The following SERPINB7 variants were observed in gnomAD, a reference collection of about 807,000 sequenced individuals.
SERPINB7 encodes serpin B7.
SERPINB7 carries 31 observed loss-of-function variants against 37.4 expected under a neutral mutation model. The observed-to-expected ratio is 0.83, with a 90% CI of 0.62 to 1.12. The LOEUF is 1.12. Among genes scored for constraint, SERPINB7 ranks in the 50% most tolerant of loss-of-function variants. The pLI is 0.00. For synonymous variants in SERPINB7, 163 were observed against 166.1 expected, an observed-to-expected ratio of 0.98 and a Z score of 0.14; for missense variants, 521 against 455.3, an observed-to-expected ratio of 1.14 and a Z score of -1.31.
chr18:63,757,727 C>T (rs28570602), intron 1 of SERPINB7, among the ~76,000 whole-genome samples: 31,812 of 152,228 alleles, frequency 0.21, 4,136 homozygotes, highest in East Asian at 0.67. Context: ...GTTGACCAAT[C>T]TCTGCTCTTG....
rs1206411249 is a variant in SERPINB7 at position 63,800,855 on chromosome 18, T to C, written c.598-11T>C. The C allele has an allele frequency of 1.2e-5, 20 of 1,611,654 alleles. No individual in the cohort carries two copies. The highest frequency in any genetic ancestry group is 1.6e-5 in the Non-Finnish European group (19 of 1,179,272). ...GGGATCATAAATAATTTTTTGTGAC[T>C]TGACTTTCAGTGCTCTGGGAAGGCA... On this transcript the variant is annotated splice_polypyrimidine_tract_variant and intron_variant, in intron 6 of 7. Coordinates refer to ENST00000398019, the MANE Select transcript of SERPINB7 (RefSeq NM_003784.4).
At chr18:63,795,108 GT>G (rs1426891136) in intron 4 of SERPINB7, among the ~76,000 whole-genome samples, 2 of 152,206 alleles carry the variant, frequency 1.3e-5, no homozygotes, top group Admixed American at 1.3e-4. Context: ...CCAAGGCAAT[GT>G]GTTAGGTACT....
At chr18:63,767,057 A>G (rs565287073) in intron 1 of SERPINB7, among the ~76,000 whole-genome samples, 6 of 152,224 alleles carry the variant, frequency 3.9e-5, no homozygotes, top group South Asian at 4.1e-4. Context: ...CTCCTGTCCT[A>G]TGCTGAGTAA....
chr18:63,758,764 C>T (rs1270186211), intron 1 of SERPINB7, among the ~76,000 whole-genome samples: 1 of 152,194 alleles, frequency 6.6e-6, no homozygotes, highest in Non-Finnish European at 1.5e-5. Flanking sequence ...CCCTCTACCC[C>T]CTCACCAAGA....
At position 63,798,681 on chromosome 18, in the gene SERPINB7, A is replaced by G. The variant is rs775138008; in HGVS notation, c.532A>G (p.Lys178Glu). 6.2e-7 allele frequency: 1 copy of G among 1,613,068 alleles called. No homozygotes were observed. The highest frequency in any genetic ancestry group is 1.3e-5 in the African/African-American group (1 of 74,878). Residue 178 changes from lysine (K) to glutamate (E), a missense_variant, in exon 6 of 8, where the codon AAA (lysine) becomes GAA (glutamate). Physicochemically the swap from Lys to Glu is moderately conservative, Grantham distance 56. Coordinates refer to ENST00000398019, the MANE Select transcript of SERPINB7 (RefSeq NM_003784.4). The stretch of plus-strand genomic sequence containing the variant: ...GGTGCTGGTGAATGCTGTGTACTTC[A>G]AAGGCAAGTGGCAATCAGCCTTCAC... ...VMVLVNAVYF[K>E]GKWQSAFTKS...
At position 63,804,827 on chromosome 18, in the gene SERPINB7, G is replaced by A; in HGVS notation, c.*192G>A. 1 of 567,292 alleles carries A rather than the reference G, an allele frequency of 1.8e-6. No homozygotes were observed. The allele number at this position is 567,292 out of a possible 1,614,324, so 35.1% of individuals were successfully genotyped here. A position where few individuals can be genotyped will look rare whatever the true frequency, so the allele number is the denominator to read the frequency against. On this transcript the variant is annotated 3_prime_UTR_variant, in exon 8 of 8. Coordinates refer to ENST00000398019, the MANE Select transcript of SERPINB7 (RefSeq NM_003784.4). ...TTGATTGTCCTGATCCCTGCTCTTA[G>A]CATTCTACCACCATGTGTCTCACCC...
chr18:63,789,337 C>G (rs1453535888), intron 2 of SERPINB7, among the ~76,000 whole-genome samples: 1 of 152,170 alleles, frequency 6.6e-6, no homozygotes, highest in Non-Finnish European at 1.5e-5. Context: ...TCATTTGAAA[C>G]TTTTCATTTT....
At chr18:63,767,714 C>T (rs887830848) in intron 1 of SERPINB7, among the ~76,000 whole-genome samples, 4 of 151,958 alleles carry the variant, frequency 2.6e-5, no homozygotes, top group African/African-American at 9.7e-5. Context: ...TGTTATTTCT[C>T]ATTTTCTGGA....
chr18:63,789,610 A>G (rs982596151), intron 2 of SERPINB7, among the ~76,000 whole-genome samples: 1 of 152,192 alleles, frequency 6.6e-6, no homozygotes, highest in African/African-American at 2.4e-5. Flanking sequence ...AAGGATACAG[A>G]GTACCCAGTA....
At chr18:63,759,106 C>T (rs2049138177) in intron 1 of SERPINB7, among the ~76,000 whole-genome samples, 1 of 152,182 alleles carries the variant, frequency 6.6e-6, no homozygotes, top group South Asian at 2.1e-4. Flanking sequence ...GAGTAGGCTT[C>T]ATGGTCTATC....
chr18:63,771,951 C>T (rs187892112), upstream of SERPINB7, among the ~76,000 whole-genome samples: 9 of 151,252 alleles, frequency 6.0e-5, no homozygotes, highest in Admixed American at 1.3e-4. Flanking sequence ...GGATCTATTT[C>T]AGCTGCTTCT....
chr18:63,763,576 T>G (rs1048136306), intron 1 of SERPINB7, among the ~76,000 whole-genome samples: 1 of 152,214 alleles, frequency 6.6e-6, no homozygotes. Flanking sequence ...CATCATGTGC[T>G]GCCTAAAGGA....
chr18:63,761,440 T>C (rs1164371110), intron 1 of SERPINB7, among the ~76,000 whole-genome samples: 2 of 152,204 alleles, frequency 1.3e-5, no homozygotes, highest in Non-Finnish European at 2.9e-5. Flanking sequence ...TGTGAACTTT[T>C]GGGTTAATGC....
Position 63,762,205 on chromosome 18 carries a change from G to A in SERPINB7, c.-19+9085G>A, listed in dbSNP as rs141667970. 1.7e-3 allele frequency among the ~76,000 whole-genome samples: 253 copies of A among 152,286 alleles called. 2 individuals carry two copies. The highest frequency in any genetic ancestry group is 9.3e-3 in the East Asian group (48 of 5,172). On this transcript the variant is annotated intron_variant, in intron 1 of 7. Transcript: ENST00000336429. ...CCCACCAGGCCTGTGAAGAAAATTC[G>A]TTCAGTCAATGAGTGGATGAATGAA...
At position 63,793,266 on chromosome 18, in the gene SERPINB7, G is replaced by A. The variant is rs760472927; in HGVS notation, c.325G>A (p.Gly109Ser). 1 of 1,576,988 alleles carries A rather than the reference G, an allele frequency of 6.3e-7. No individual in the cohort carries two copies. Among genetic ancestry groups the A allele is most frequent in the Non-Finnish European group, 8.7e-7 (1 of 1,151,512 alleles). ...VNGLFAEKVY[G>S]FHKDYIECAE... ...TGGGCTTTTTGCTGAAAAAGTGTAT[G>A]GCTTTCATAAGGTAAGTGAAACTGC... is the stretch of plus-strand genomic sequence containing the variant. The change falls in exon 4 of 8, where the codon GGC becomes AGC. Residue 109 changes from glycine to serine, a missense_variant. Gly to Ser is a moderately conservative substitution (Grantham distance 56). Coordinates refer to ENST00000398019, the MANE Select transcript of SERPINB7 (RefSeq NM_003784.4).
intron 1 of SERPINB7, among the ~76,000 whole-genome samples, chr18:63,758,439 C>G (rs577987421): frequency 1.3e-5 from 2 of 152,078 alleles, no homozygotes; most frequent in Non-Finnish European, 2.9e-5. Flanking sequence ...ATTCATGAAC[C>G]CTTTTCTTAA....
At chr18:63,795,110 G>C (rs1171979740) in intron 4 of SERPINB7, among the ~76,000 whole-genome samples, 1 of 152,196 alleles carries the variant, frequency 6.6e-6, no homozygotes, top group Non-Finnish European at 1.5e-5. Context: ...AAGGCAATGT[G>C]TTAGGTACTG....
At chr18:63,754,163 T>C (rs1290423880) in intron 1 of SERPINB7, among the ~76,000 whole-genome samples, 1 of 152,248 alleles carries the variant, frequency 6.6e-6, no homozygotes, top group Admixed American at 6.5e-5. Flanking sequence ...TAAAATCGCA[T>C]TGATTTCTTG....
chr18:63,782,370 G>C lies in SERPINB7; in HGVS notation c.-3G>C, dbSNP rs766813551. Reference sequence around the variant, plus strand: ...TGTCCTCTAGGCTGCACTCCATTTTGCAATGGCCTCCCTTGCTGCAGCAAA... The same window carrying C: ...TGTCCTCTAGGCTGCACTCCATTTTCCAATGGCCTCCCTTGCTGCAGCAAA... On this transcript the variant is annotated 5_prime_UTR_variant, in exon 2 of 8. Transcript: ENST00000398019. 1.9e-6 allele frequency: 3 copies of C among 1,607,978 alleles called. No individual in the cohort carries two copies. The highest frequency in any genetic ancestry group is 8.5e-7 in the Non-Finnish European group (1 of 1,176,486).
Sources: gnomAD v4.1 joint callset for allele counts (sites outside exome capture counted in the v4.1 genomes callset) on GRCh38, gnomAD v4.1.1 for gene constraint, MANE v1.5 for transcripts, NCBI Gene and HGNC (gene_info 2026-07-23, HGNC 2026-07-21) for gene names.